SRPK2: variants seen among roughly 807,000 people sequenced by gnomAD.
SRPK2 encodes the protein SFRS protein kinase 2.
In SRPK2, 21 loss-of-function variants were observed where a neutral mutation model predicts 90.8. The ratio of observed to expected loss-of-function variants is 0.23; its 90% confidence interval spans 0.16 to 0.33. The LOEUF is 0.33. SRPK2 is among the 10% of genes least tolerant of loss of function. The pLI is 1.00. For missense variants in SRPK2, 620 were observed against 869.0 expected, an observed-to-expected ratio of 0.71 and a Z score of 3.60; for synonymous variants, 288 against 311.1, an observed-to-expected ratio of 0.93 and a Z score of 0.78.
At chr7:105,348,140 G>T (rs990723495) in intron 2 of SRPK2, among the ~76,000 whole-genome samples, 1 of 142,138 alleles carries the variant, frequency 7.0e-6, no homozygotes, top group South Asian at 2.2e-4. Flanking sequence ...GCAATGGCGC[G>T]ATCTCACTGC....
chr7:105,318,932 G>A (rs562189404), intron 2 of SRPK2, among the ~76,000 whole-genome samples: 1 of 152,142 alleles, frequency 6.6e-6, no homozygotes, highest in Non-Finnish European at 1.5e-5. Flanking sequence ...CAAATCAAAT[G>A]ATGACAAGCC....
Position 105,133,562 on chromosome 7 carries a change from C to T in SRPK2, c.1544-458G>A, listed in dbSNP as rs1013779478. 6.6e-5 allele frequency among the ~76,000 whole-genome samples: 10 copies of T among 152,178 alleles called. No individual in the cohort carries two copies. The East Asian group carries it at 7.7e-4, about 12-fold the overall frequency. ...TCTCAGTGACACACAGTTCCTTGGA[C>T]GCCACAAGACATCAGGGTCCCTGGC... On this transcript the variant is annotated intron_variant, in intron 11 of 15. Transcript: ENST00000393651.
At chr7:105,127,130 T>A in intron 13 of SRPK2, 68 bp from the exon 14 acceptor site, 1 of 1,493,204 alleles carries the variant, frequency 6.7e-7, no homozygotes. Flanking sequence ...CTTTTTCTCC[T>A]TATAGAAGAG....
At chr7:105,331,837 T>C (rs1387064012) in intron 2 of SRPK2, among the ~76,000 whole-genome samples, 2 of 152,108 alleles carry the variant, frequency 1.3e-5, no homozygotes, top group Non-Finnish European at 1.5e-5. Context: ...CTCCAAGGCA[T>C]GACATCAAAG....
intron 2 of SRPK2, among the ~76,000 whole-genome samples, chr7:105,232,658 T>C (rs1221973796): frequency 3.3e-5 from 5 of 151,024 alleles, no homozygotes; most frequent in African/African-American, 7.3e-5. Flanking sequence ...GAAATAACCA[T>C]TAATAAAATC....
chr7:105,265,917 T>TA (rs779682063), intron 2 of SRPK2, among the ~76,000 whole-genome samples: 4 of 152,150 alleles, frequency 2.6e-5, no homozygotes, highest in Admixed American at 6.5e-5. Context: ...TTTAAATGGT[T>TA]ATGCTGAGTT....
chr7:105,265,107 A>G (rs544638007), intron 2 of SRPK2, among the ~76,000 whole-genome samples: 1 of 152,230 alleles, frequency 6.6e-6, no homozygotes, highest in East Asian at 1.9e-4. Context: ...TACACACAAC[A>G]CACACACCCC....
intron 2 of SRPK2, among the ~76,000 whole-genome samples, chr7:105,230,836 TA>T (rs532753699): frequency 4.5e-4 from 68 of 152,134 alleles, no homozygotes; most frequent in African/African-American, 1.4e-3. Flanking sequence ...ATTTTTCAGT[TA>T]AAAAAAAGTA....
chr7:105,278,982 T>C (rs1806901399), intron 2 of SRPK2, among the ~76,000 whole-genome samples: 1 of 152,196 alleles, frequency 6.6e-6, no homozygotes, highest in African/African-American at 2.4e-5. Context: ...TATTTTCTAT[T>C]ACAATTTAAG....
chr7:105,263,290 T>C (rs975762707), intron 2 of SRPK2, among the ~76,000 whole-genome samples: 1 of 149,916 alleles, frequency 6.7e-6, no homozygotes, highest in African/African-American at 2.5e-5. Flanking sequence ...TCCACTTTAC[T>C]CCAGCCTGGG....
In SRPK2 at chr7:105,303,164, G is replaced by A. The variant is rs142386456; in HGVS notation, c.71+85484C>T. ...AAAGGATGAGTTCATGTCCCTTGTA[G>A]GGACATGGATGAAGCTGGAAACCAC... On this transcript the variant is annotated intron_variant, in intron 2 of 15. Coordinates refer to ENST00000393651, the MANE Select transcript of SRPK2 (RefSeq NM_182692.3). Among the ~76,000 whole-genome samples the A allele has an allele frequency of 4.6e-3, 693 of 152,258 alleles. 5 individuals are homozygous for A. The highest frequency in any genetic ancestry group is 0.016 in the African/African-American group (662 of 41,550).
At chr7:105,306,857 G>C (rs1811205097) in intron 2 of SRPK2, among the ~76,000 whole-genome samples, 2 of 152,104 alleles carry the variant, frequency 1.3e-5, no homozygotes, top group South Asian at 4.2e-4. Context: ...CTAAATATGG[G>C]GGAAAAATGT....
At chr7:105,312,601 G>C (rs1431097737) in intron 2 of SRPK2, among the ~76,000 whole-genome samples, 3 of 152,140 alleles carry the variant, frequency 2.0e-5, no homozygotes, top group Non-Finnish European at 2.9e-5. Context: ...GCGCCTGCTG[G>C]CTGCAGATAA....
chr7:105,377,343 T>C (rs1820418781), intron 2 of SRPK2, among the ~76,000 whole-genome samples: 1 of 152,112 alleles, frequency 6.6e-6, no homozygotes, highest in African/African-American at 2.4e-5. Flanking sequence ...TTCCCAGTGC[T>C]CTAGCTATAA....
At chr7:105,318,718 C>T (rs1812580718) in intron 2 of SRPK2, among the ~76,000 whole-genome samples, 1 of 152,174 alleles carries the variant, frequency 6.6e-6, no homozygotes, top group Non-Finnish European at 1.5e-5. Flanking sequence ...CGCTTCTCAC[C>T]ATCCCCTTTG....
intron 2 of SRPK2, among the ~76,000 whole-genome samples, chr7:105,326,178 C>A (rs1444117886): frequency 6.6e-6 from 1 of 152,174 alleles, no homozygotes; most frequent in Non-Finnish European, 1.5e-5. Flanking sequence ...CTTAATCTGA[C>A]CACCTCATCT....
At chr7:105,307,521 C>T (rs1433669359) in intron 2 of SRPK2, among the ~76,000 whole-genome samples, 5 of 152,194 alleles carry the variant, frequency 3.3e-5, no homozygotes, top group East Asian at 3.9e-4. Context: ...CTGACATGTG[C>T]TCTCTCTTAT....
At chr7:105,298,663 T>G in intron 2 of SRPK2, 1 of 918,370 alleles carries the variant, frequency 1.1e-6, no homozygotes, top group Non-Finnish European at 1.3e-6. Context: ...CCCCATAGGA[T>G]AGCATGGCTC....
intron 6 of SRPK2, among the ~76,000 whole-genome samples, chr7:105,165,874 T>C (rs1351990280): frequency 6.6e-6 from 1 of 152,208 alleles, no homozygotes; most frequent in African/African-American, 2.4e-5. Context: ...CTTTAAGAGC[T>C]GTAACACTCA....
Sources: allele counts gnomAD v4.1 joint callset (sites outside exome capture counted in the v4.1 genomes callset), GRCh38; gene constraint gnomAD v4.1.1; transcripts MANE v1.5; gene names NCBI Gene and HGNC (gene_info 2026-07-23, HGNC 2026-07-21).